RPAIN: variants seen among roughly 807,000 people sequenced by gnomAD.
RPAIN encodes RPA interacting protein, also known as RPA-interacting protein.
In RPAIN, 29 loss-of-function variants were observed where a neutral mutation model predicts 30.5. The observed-to-expected ratio is 0.95, with a 90% CI of 0.71 to 1.30. The LOEUF (loss-of-function observed/expected upper bound fraction) is 1.30. Among genes scored for constraint, RPAIN ranks in the 50% most tolerant of loss-of-function variants. RPAIN has a pLI of 0.00. For synonymous variants in RPAIN, 101 were observed against 93.5 expected (o/e 1.08, Z -0.46); for missense variants, 247 against 264.7 (o/e 0.93, Z 0.46).
intron 5 of RPAIN, 53 bp from the exon 6 acceptor site, chr17:5,428,018 C>T: frequency 1.3e-6 from 2 of 1,575,140 alleles, no homozygotes; most frequent in South Asian, 1.1e-5. Context: ...GAGGATTTTC[C>T]ATCTGTTGGC....
chr17:5,421,645 G>C, intron 2 of RPAIN, 179 bp downstream of exon 2: 1 of 508,730 alleles, frequency 2.0e-6, no homozygotes, highest in Admixed American at 3.7e-5. Context: ...TAGATGAAAT[G>C]GTCTGAAATA....
At chr17:5,432,413 T>C in intron 6 of RPAIN, 129 bp from the exon 7 acceptor site, 1 of 844,650 alleles carries the variant, frequency 1.2e-6, no homozygotes, top group Non-Finnish European at 2.0e-6. Context: ...ACTACACTAC[T>C]GAACTAATTG....
chr17:5,422,781 A>G lies in RPAIN; in HGVS notation c.265A>G (p.Ile89Val), dbSNP rs1448229532. Residue 89 changes from isoleucine to valine, a missense_variant, in exon 3 of 7, where the codon ATA becomes GTA. Physicochemically the swap from Ile to Val is conservative, Grantham distance 29 (BLOSUM62 3). Transcript: ENST00000381209. ...CTTTCTCTTCCAGCTGGAGGAGCTG[A>G]TAGACATGGCTGTGCTGGAGGAAAT... ...PEDLAQLEEL[I>V]DMAVLEEIQQ... 1.2e-6 allele frequency: 2 copies of G among 1,613,346 alleles called. No homozygotes were observed. The highest frequency in any genetic ancestry group is 1.7e-5 in the Admixed American group (1 of 60,008).
chr17:5,428,534 C>T, intron 6 of RPAIN: 5 of 1,315,668 alleles, frequency 3.8e-6, no homozygotes, highest in Non-Finnish European at 4.9e-6. Context: ...CCCAGATAGG[C>T]CATGCTGGCA....
intron 2 of RPAIN, among the ~76,000 whole-genome samples, chr17:5,422,560 A>G (rs904055920): frequency 6.6e-6 from 1 of 152,222 alleles, no homozygotes; most frequent in Non-Finnish European, 1.5e-5. Context: ...ATTGGGTACC[A>G]TTATTTTGTC....
At chr17:5,427,714 C>G (rs999643865) in intron 5 of RPAIN, 2 of 239,284 alleles carry the variant, frequency 8.4e-6, no homozygotes, top group Non-Finnish European at 1.6e-5. Context: ...TCAAGTAACC[C>G]AAGCAGACCC....
chr17:5,426,123 T>G, intron 4 of RPAIN, 41 bp downstream of exon 4: 1 of 1,558,034 alleles, frequency 6.4e-7, no homozygotes, highest in Non-Finnish European at 8.9e-7. Context: ...TTCGTTCCCA[T>G]TCCCCACTCC....
In RPAIN at chr17:5,432,680, T is replaced by G; in HGVS notation, c.*109T>G. On this transcript the variant is annotated 3_prime_UTR_variant, in exon 7 of 7. Transcript: ENST00000381209. Reference sequence around the variant, plus strand: ...TATAACTTATTTTGTATTGAAACTTTTAAACAATACTGAAGAAAAAAAAAC... The same window carrying G: ...TATAACTTATTTTGTATTGAAACTTGTAAACAATACTGAAGAAAAAAAAAC... The G allele has an allele frequency of 8.6e-7, 1 of 1,160,786 alleles. No individual in the cohort carries two copies. Among genetic ancestry groups the G allele is most frequent in the Non-Finnish European group, 1.3e-6 (1 of 795,174 alleles). 71.9% of individuals were successfully genotyped at this position (1,160,786 alleles called of 1,614,324 possible). A position where few individuals can be genotyped will look rare whatever the true frequency, so the allele number is the denominator to read the frequency against.
intron 3 of RPAIN, 67 bp downstream of exon 3, chr17:5,422,896 A>G: frequency 1.5e-6 from 2 of 1,300,858 alleles, no homozygotes; most frequent in East Asian, 2.4e-5. Context: ...CTTTCCTCCA[A>G]TCAGGATTAG....
Position 5,432,676 on chromosome 17 carries a change from A to ACTT in RPAIN, c.*106_*108dup. On this transcript the variant is annotated 3_prime_UTR_variant, in exon 7 of 7. Coordinates refer to ENST00000381209, the MANE Select transcript of RPAIN (RefSeq NM_001033002.4). Reference sequence around the variant, plus strand: ...TATTTATAACTTATTTTGTATTGAAACTTTTAAACAATACTGAAGAAAAAA... The same window carrying ACTT: ...TATTTATAACTTATTTTGTATTGAAACTTCTTTTAAACAATACTGAAGAAAAAA... The ACTT allele has an allele frequency of 8.5e-7, 1 of 1,171,930 alleles. No individual in the cohort carries two copies. Among genetic ancestry groups the ACTT allele is most frequent in the Non-Finnish European group, 1.2e-6 (1 of 804,948 alleles). The allele number at this position is 1,171,930 out of a possible 1,614,324, so 72.6% of individuals were successfully genotyped here.
At chr17:5,426,473 A>C (rs1034860672) in intron 5 of RPAIN, 174 bp downstream of exon 5, 1 of 656,298 alleles carries the variant, frequency 1.5e-6, no homozygotes, top group African/African-American at 1.8e-5. Context: ...TATGGCATGA[A>C]AATTGGCAAA....
intron 6 of RPAIN, chr17:5,428,836 T>C (rs1915652226): frequency 1.0e-6 from 1 of 986,896 alleles, no homozygotes; most frequent in Non-Finnish European, 1.2e-6. Flanking sequence ...TATTATTGCT[T>C]TTAGATCCCA....
At chr17:5,429,247 T>C in intron 6 of RPAIN, 1 of 985,300 alleles carries the variant, frequency 1.0e-6, no homozygotes, top group Non-Finnish European at 1.2e-6. Flanking sequence ...GGCATTTAAC[T>C]TGGCCTTGAA....
At chr17:5,429,533 T>C in intron 6 of RPAIN, 1 of 985,372 alleles carries the variant, frequency 1.0e-6, no homozygotes, top group Non-Finnish European at 1.2e-6. Context: ...TCTTTGTGGT[T>C]CCAGTGCCCC....
chr17:5,421,334 C>T lies in RPAIN; in HGVS notation c.120C>T (p.Leu40=). ...GAATGAGAAACAGCCGGGACAGGCT[C>T]CTAAACAGGTACCGCCAGGCTGGAA... The part of the protein sequence containing the change: ...LERMRNSRDR[L]LNRYRQAGSS... Residue 40 remains leucine, a synonymous_variant, in exon 2 of 7, where the codon CTC becomes CTT. Transcript: ENST00000381209. 2 of 1,613,868 alleles carry T rather than the reference C, an allele frequency of 1.2e-6. No individual in the cohort carries two copies. Among genetic ancestry groups the T allele is most frequent in the Non-Finnish European group, 1.7e-6 (2 of 1,179,964 alleles).
chr17:5,429,987 G>T (rs1426227832), intron 6 of RPAIN: 1 of 147,648 alleles, frequency 6.8e-6, no homozygotes, highest in Non-Finnish European at 1.5e-5. Flanking sequence ...GGCCAACATG[G>T]TGAAACCCCA....
chr17:5,426,238 A>G lies in RPAIN; in HGVS notation c.428A>G (p.Tyr143Cys). ...TGGGATCCTAATTCTGCTTCTAGGT[A>G]CAACCTGAGAATCACAAGCGGTGTG... ...NPLICPVCTKYNLRITSGVVV... is the reference protein window; with the variant it reads ...NPLICPVCTKCNLRITSGVVV... The change falls in exon 5 of 7, where the codon TAC becomes TGC. Residue 143 changes from tyrosine (Y) to cysteine (C), a missense_variant and splice_region_variant. Physicochemically the swap from Tyr to Cys is radical, Grantham distance 194. Transcript: ENST00000381209. 1 of 1,614,090 alleles carries G rather than the reference A, an allele frequency of 6.2e-7. No homozygotes were observed. Among genetic ancestry groups the G allele is most frequent in the Non-Finnish European group, 8.5e-7 (1 of 1,179,914 alleles).
At chr17:5,421,678 A>G in intron 2 of RPAIN, 1 of 394,284 alleles carries the variant, frequency 2.5e-6, no homozygotes, top group Non-Finnish European at 4.5e-6. Context: ...CCTGCTCATC[A>G]CTGCAACATC....
Position 5,428,204 on chromosome 17 carries a change from GC to G in RPAIN, c.624del (p.Cys209ValfsTer9). The G allele has an allele frequency of 5.0e-6, 8 of 1,614,222 alleles. No individual in the cohort carries two copies. The highest frequency in any genetic ancestry group is 6.8e-6 in the Non-Finnish European group (8 of 1,180,044). ...GAAGAAAAGTCCAGTCTTCTCATGA[GC>G]TGTCTGGTAAGCGTCTCCTGGGACC... is the stretch of plus-strand genomic sequence containing the variant. ...GTEEKSSLLM[S>X]CLACDTWAVI... On this transcript the variant is annotated frameshift_variant, in exon 6 of 7. Transcript: ENST00000381209. LOFTEE classifies it high-confidence loss of function.
Sources: gnomAD v4.1 joint callset for allele counts (sites outside exome capture counted in the v4.1 genomes callset) on GRCh38, gnomAD v4.1.1 for gene constraint, MANE v1.5 for transcripts, NCBI Gene and HGNC (gene_info 2026-07-23, HGNC 2026-07-21) for gene names.